TNNI3K: variants seen among roughly 807,000 people sequenced by gnomAD.
TNNI3K encodes serine/threonine-protein kinase TNNI3K.
In TNNI3K, 140 loss-of-function variants were observed where a neutral mutation model predicts 114.5. That is an observed-to-expected ratio of 1.22 (90% CI 1.07 to 1.41). TNNI3K has a LOEUF of 1.41. Among genes scored for constraint, TNNI3K ranks in the 40% most tolerant of loss-of-function variants. The pLI, the probability that TNNI3K is intolerant of heterozygous loss-of-function variation, is 0.00. For missense variants in TNNI3K, 1,125 were observed against 1,007.6 expected (o/e 1.12, Z -1.58); for synonymous variants, 347 against 347.5 (o/e 1.00, Z 0.02).
chr1:74,362,359 A>G (rs1337637460), intron 11 of TNNI3K, among the ~76,000 whole-genome samples: 1 of 152,160 alleles, frequency 6.6e-6, no homozygotes, highest in Non-Finnish European at 1.5e-5. Flanking sequence ...ACATGAGGTC[A>G]ATGAGAATTC....
intron 17 of TNNI3K, 79 bp downstream of exon 17, chr1:74,370,471 T>G: frequency 7.7e-7 from 1 of 1,291,702 alleles, no homozygotes; most frequent in Non-Finnish European, 1.1e-6. Flanking sequence ...AAGATACATT[T>G]TAGACTTATT....
chr1:74,502,659 CCTCT>C (rs1557611411), intron 23 of TNNI3K, among the ~76,000 whole-genome samples: 1 of 152,172 alleles, frequency 6.6e-6, no homozygotes, highest in Non-Finnish European at 1.5e-5. Context: ...AACATACTTC[CCTCT>C]GTCTATGGCC....
intron 23 of TNNI3K, among the ~76,000 whole-genome samples, chr1:74,517,738 A>G (rs1264839146): frequency 1.3e-5 from 2 of 152,190 alleles, no homozygotes; most frequent in African/African-American, 4.8e-5. Context: ...TGAAACTAAG[A>G]CATCTTAGTT....
intron 17 of TNNI3K, among the ~76,000 whole-genome samples, chr1:74,379,335 GCACACA>G (rs59962221): frequency 0.042 from 6,383 of 150,556 alleles, 183 homozygotes; most frequent in East Asian, 0.082. Context: ...ATACACGCGC[GCACACA>G]CACACACACA....
At chr1:74,493,246 A>G (rs1669166005) in intron 23 of TNNI3K, among the ~76,000 whole-genome samples, 2 of 152,324 alleles carry the variant, frequency 1.3e-5, no homozygotes, top group South Asian at 2.1e-4. Context: ...ATTGTCTCCC[A>G]GTTTTATTTG....
chr1:74,353,471 G>A, intron 10 of TNNI3K, 111 bp downstream of exon 10: 5 of 1,145,830 alleles, frequency 4.4e-6, no homozygotes, highest in African/African-American at 1.6e-5. Flanking sequence ...AGTGGGAAAG[G>A]GTATTTTATC....
intron 23 of TNNI3K, among the ~76,000 whole-genome samples, chr1:74,528,938 A>G (rs1476431126): frequency 6.6e-6 from 1 of 152,210 alleles, no homozygotes; most frequent in Non-Finnish European, 1.5e-5. Flanking sequence ...ATCTTGCACC[A>G]GAAAGGAGAA....
At chr1:74,527,047 T>C (rs1330632756) in intron 23 of TNNI3K, among the ~76,000 whole-genome samples, 4 of 152,222 alleles carry the variant, frequency 2.6e-5, no homozygotes, top group African/African-American at 9.6e-5. Context: ...CTGCCTGCTC[T>C]AAAAGCATAA....
At chr1:74,421,307 T>C (rs1418445157) in intron 17 of TNNI3K, among the ~76,000 whole-genome samples, 1 of 152,136 alleles carries the variant, frequency 6.6e-6, no homozygotes, top group South Asian at 2.1e-4. Flanking sequence ...GTTTTAAAGG[T>C]GTTTACAGCC....
At chr1:74,431,952 C>A (rs1399011804) in intron 17 of TNNI3K, among the ~76,000 whole-genome samples, 1 of 152,096 alleles carries the variant, frequency 6.6e-6, no homozygotes, top group African/African-American at 2.4e-5. Context: ...TGACTTTTAT[C>A]TACTTAAATT....
At chr1:74,348,835 C>T (rs931662270) in intron 9 of TNNI3K, among the ~76,000 whole-genome samples, 2 of 152,044 alleles carry the variant, frequency 1.3e-5, no homozygotes, top group African/African-American at 4.8e-5. Context: ...GTGATTTTTG[C>T]ACATTGATTT....
In TNNI3K at chr1:74,354,121, A is replaced by T. The variant is rs762701312; in HGVS notation, c.1169A>T (p.Tyr390Phe). Residue 390 changes from tyrosine to phenylalanine, a missense_variant, in exon 11 of 25, where the codon TAT (tyrosine) becomes TTT (phenylalanine). Physicochemically the swap from Tyr to Phe is conservative, Grantham distance 22. Transcript: ENST00000326637. ...GAGCAGACATGTTTGATGTGGGCTT[A>T]TGAAAAAGGTATATTTTTAATCATC... Reference protein sequence around the residue: ...KDEQTCLMWAYEKGHDAIVTL... With the variant: ...KDEQTCLMWAFEKGHDAIVTL... The T allele has an allele frequency of 2.5e-6, 4 of 1,613,942 alleles. No individual in the cohort carries two copies. In the African/African-American group the frequency reaches 4.0e-5, roughly 16 times the overall value.
At chr1:74,449,379 G>A (rs965695358) in intron 20 of TNNI3K, among the ~76,000 whole-genome samples, 58 of 150,938 alleles carry the variant, frequency 3.8e-4, no homozygotes, top group Admixed American at 2.3e-3. Flanking sequence ...TCTTGCTAGC[G>A]GTCTATCAAT....
At chr1:74,469,102 G>A (rs1320599117) in intron 21 of TNNI3K, 1 of 152,360 alleles carries the variant, frequency 6.6e-6, no homozygotes, top group Non-Finnish European at 1.5e-5. Context: ...AATAACAATT[G>A]GCAATAAAGC....
chr1:74,442,053 TA>T (rs1557568094), intron 20 of TNNI3K, among the ~76,000 whole-genome samples: 1 of 152,068 alleles, frequency 6.6e-6, no homozygotes, highest in Non-Finnish European at 1.5e-5. Context: ...AACTTCCCCC[TA>T]TTTTTTTTAT....
At chr1:74,259,089 C>A (rs184843470) in intron 4 of TNNI3K, among the ~76,000 whole-genome samples, 1 of 152,130 alleles carries the variant, frequency 6.6e-6, no homozygotes, top group Admixed American at 6.5e-5. Flanking sequence ...ACTATTCAGG[C>A]GTTTCTAGAG....
intron 4 of TNNI3K, among the ~76,000 whole-genome samples, chr1:74,268,092 A>G (rs976528201): frequency 1.6e-4 from 24 of 152,020 alleles, no homozygotes; most frequent in Non-Finnish European, 2.9e-4. Flanking sequence ...TGTATTAAAT[A>G]TGTAAACAAT....
rs369621662 is a variant in TNNI3K, at chr1:74,543,994, G to T, written c.*12G>T. On this transcript the variant is annotated 3_prime_UTR_variant, in exon 25 of 25. Coordinates refer to ENST00000326637, the MANE Select transcript of TNNI3K (RefSeq NM_015978.3). ...AGGACAGCAGCTGACAGCATTCGGC[G>T]TATACCTAAGGAGAGTTTTTTCCCC... 9 of 1,610,804 alleles carry T rather than the reference G, an allele frequency of 5.6e-6. No individual in the cohort carries two copies. In the East Asian group the frequency reaches 9.0e-5, roughly 16 times the overall value.
intron 20 of TNNI3K, among the ~76,000 whole-genome samples, chr1:74,461,273 G>T (rs1347867495): frequency 3.3e-5 from 5 of 152,186 alleles, no homozygotes; most frequent in African/African-American, 1.2e-4. Context: ...GAGGTCAGGA[G>T]ATCGAGACCA....
Sources: allele counts gnomAD v4.1 joint callset (sites outside exome capture counted in the v4.1 genomes callset), GRCh38; gene constraint gnomAD v4.1.1; transcripts MANE v1.5; gene names NCBI Gene and HGNC (gene_info 2026-07-23, HGNC 2026-07-21).